Variants in ARHGAP6 observed in about 807,000 individuals in gnomAD.
ARHGAP6 encodes Rho GTPase activating protein 6.
A neutral mutation model predicts 55.7 loss-of-function variants in ARHGAP6; 16 were observed. The ratio of observed to expected loss-of-function variants is 0.29; its 90% CI spans 0.19 to 0.44. The LOEUF (loss-of-function observed/expected upper bound fraction) is 0.44, where lower values mean the gene tolerates loss of function less well. ARHGAP6 is among the 20% of genes least tolerant of loss of function. ARHGAP6 has a pLI of 1.00. For missense variants in ARHGAP6, 698 were observed against 808.9 expected (o/e 0.86, Z 1.66); for synonymous variants, 382 against 360.9 (o/e 1.06, Z -0.66).
chrX:11,200,812 A>ATTCAGAGAATCCTTTAAAGGAT (rs2046608412), intron 2 of ARHGAP6, among the ~76,000 whole-genome samples: 1 of 112,463 alleles, frequency 8.9e-6, no homozygotes, highest in African/African-American at 3.2e-5. Context: ...TTTTAAAGTG[A>ATTCAGAGAATCCTTTAAAGGAT]TCAGATTCAG....
intron 2 of ARHGAP6, among the ~76,000 whole-genome samples, chrX:11,208,781 A>G (rs984574688): frequency 7.1e-5 from 8 of 111,958 alleles, no homozygotes; most frequent in Admixed American, 9.5e-5. Context: ...TACACGCCCC[A>G]AAACCATACT....
At chrX:11,663,085 T>C (rs1314417269) in intron 1 of ARHGAP6, among the ~76,000 whole-genome samples, 1 of 112,276 alleles carries the variant, frequency 8.9e-6, no homozygotes, top group African/African-American at 3.2e-5. Context: ...CTCAGTTACT[T>C]TGACACAGTA....
intron 1 of ARHGAP6, among the ~76,000 whole-genome samples, chrX:11,605,566 C>T (rs373238571): frequency 1.8e-5 from 2 of 111,428 alleles, no homozygotes; most frequent in Admixed American, 9.5e-5. Flanking sequence ...GATTCTATTG[C>T]CATGTGAGGA....
At chrX:11,538,986 G>A (rs895315847) in intron 1 of ARHGAP6, among the ~76,000 whole-genome samples, 1 of 110,119 alleles carries the variant, frequency 9.1e-6, no homozygotes, top group East Asian at 2.9e-4. Context: ...TCCCAAGTAG[G>A]TGGGACTACA....
At chrX:11,608,761 C>T (rs751748418) in intron 1 of ARHGAP6, among the ~76,000 whole-genome samples, 205 of 111,730 alleles carry the variant, frequency 1.8e-3, no homozygotes, top group Non-Finnish European at 2.7e-3. Context: ...TCAGGGGGTT[C>T]CGCTTTTGCA....
At chrX:11,488,296 T>C (rs906567484) in intron 1 of ARHGAP6, among the ~76,000 whole-genome samples, 2 of 111,906 alleles carry the variant, frequency 1.8e-5, no homozygotes, top group African/African-American at 6.5e-5. Flanking sequence ...ATTTTGGTTA[T>C]TTTTTGTAGG....
chrX:11,209,200 G>T (rs932236679), intron 2 of ARHGAP6, among the ~76,000 whole-genome samples: 1 of 112,111 alleles, frequency 8.9e-6, no homozygotes, highest in Non-Finnish European at 1.9e-5. Context: ...GGAGTGCAGC[G>T]GCGTAATCGA....
chrX:11,444,839 G>C (rs2050076708), intron 1 of ARHGAP6, among the ~76,000 whole-genome samples: 1 of 112,235 alleles, frequency 8.9e-6, no homozygotes, highest in African/African-American at 3.2e-5. Flanking sequence ...AAGCACTCTT[G>C]TCTACATGTG....
At chrX:11,261,397 G>T (rs776601965) in intron 1 of ARHGAP6, among the ~76,000 whole-genome samples, 1 of 111,279 alleles carries the variant, frequency 9.0e-6, no homozygotes, top group Non-Finnish European at 1.9e-5. Context: ...GGGCACCAAA[G>T]CCTACCAGCA....
intron 1 of ARHGAP6, among the ~76,000 whole-genome samples, chrX:11,656,325 A>G (rs2052637067): frequency 1.8e-5 from 2 of 111,917 alleles, no homozygotes; most frequent in African/African-American, 3.2e-5. Context: ...TCCTCATCCA[A>G]TGATTTCAGC....
At chrX:11,422,307 C>G (rs377538096) in intron 1 of ARHGAP6, among the ~76,000 whole-genome samples, 2 of 110,158 alleles carry the variant, frequency 1.8e-5, no homozygotes, top group South Asian at 7.8e-4. Context: ...GAAGGGACAG[C>G]AAGTACAAAG....
chrX:11,244,782 G>A, intron 2 of ARHGAP6, among the ~76,000 whole-genome samples: 1 of 112,199 alleles, frequency 8.9e-6, no homozygotes, highest in Non-Finnish European at 1.9e-5. Flanking sequence ...TGGTCAAGAT[G>A]CCAAAGTCTT....
chrX:11,351,838 C>G (rs749584793), intron 1 of ARHGAP6, among the ~76,000 whole-genome samples: 1 of 111,645 alleles, frequency 9.0e-6, no homozygotes, highest in Non-Finnish European at 1.9e-5. Flanking sequence ...AAATTCCTAC[C>G]GAGGCCCAAA....
chrX:11,493,103 T>C (rs1304628448), intron 1 of ARHGAP6, among the ~76,000 whole-genome samples: 1 of 112,063 alleles, frequency 8.9e-6, no homozygotes, highest in African/African-American at 3.2e-5. Flanking sequence ...CAAATCTCAT[T>C]TTTTTTAAGC....
At chrX:11,551,546 T>C (rs970598291) in intron 1 of ARHGAP6, among the ~76,000 whole-genome samples, 1 of 111,693 alleles carries the variant, frequency 9.0e-6, no homozygotes, top group Non-Finnish European at 1.9e-5. Context: ...ATGGGATGAA[T>C]TGTGTCTCCA....
intron 1 of ARHGAP6, among the ~76,000 whole-genome samples, chrX:11,632,059 A>G (rs1173501447): frequency 8.9e-6 from 1 of 111,879 alleles, no homozygotes; most frequent in Non-Finnish European, 1.9e-5. Flanking sequence ...CTTAAATATG[A>G]TGTAAATGTT....
chrX:11,283,609 T>A (rs1026198623), intron 1 of ARHGAP6, among the ~76,000 whole-genome samples: 3 of 111,688 alleles, frequency 2.7e-5, no homozygotes, highest in Admixed American at 9.5e-5. Context: ...AATAAGGAGA[T>A]TGTCCTGAAT....
intron 1 of ARHGAP6, among the ~76,000 whole-genome samples, chrX:11,424,976 T>C (rs1043932668): frequency 1.8e-5 from 2 of 112,466 alleles, no homozygotes; most frequent in African/African-American, 6.5e-5. Context: ...GAGATGTCCA[T>C]AGCAACTCCT....
At chrX:11,280,604 G>A (rs781622601) in intron 1 of ARHGAP6, among the ~76,000 whole-genome samples, 1 of 109,726 alleles carries the variant, frequency 9.1e-6, no homozygotes, top group Non-Finnish European at 1.9e-5. Context: ...TTTAGGCCAG[G>A]CATGGTGGCT....
Sources: allele counts gnomAD v4.1 joint callset (sites outside exome capture counted in the v4.1 genomes callset), GRCh38; gene constraint gnomAD v4.1.1; transcripts MANE v1.5; gene names NCBI Gene and HGNC (gene_info 2026-07-23, HGNC 2026-07-21).